AMN1: variants seen among roughly 807,000 people sequenced by gnomAD.
The protein encoded by AMN1 is antagonist of mitotic exit network 1 homolog.
A neutral mutation model predicts 33.0 loss-of-function variants in AMN1; 20 were observed. The ratio of observed to expected loss-of-function variants is 0.61; its 90% CI spans 0.43 to 0.88. AMN1 has a LOEUF of 0.88. Among genes scored for constraint, AMN1 ranks in the 40% least tolerant of loss-of-function variants. AMN1 has a pLI of 0.00. For missense variants in AMN1, 246 were observed against 307.4 expected (o/e 0.80, Z 1.49); for synonymous variants, 114 against 111.9 (o/e 1.02, Z -0.12).
At chr12:31,689,441 T>C (rs552876299) in intron 5 of AMN1, among the ~76,000 whole-genome samples, 122 of 152,178 alleles carry the variant, frequency 8.0e-4, no homozygotes, top group Non-Finnish European at 1.5e-3. Flanking sequence ...ATATGCCCTT[T>C]GCAGTATTAC....
chr12:31,719,241 C>T (rs1471622124), intron 1 of AMN1: 1 of 474,500 alleles, frequency 2.1e-6, no homozygotes, highest in Admixed American at 6.4e-5. Flanking sequence ...GCAGAAATCG[C>T]CCATCTTCTG....
At position 31,671,569 on chromosome 12, in the gene AMN1, G is replaced by A. The variant is rs1246797158; in HGVS notation, c.*735C>T. The A allele has an allele frequency of 6.6e-6, 1 of 152,116 alleles. No homozygotes were observed. Among genetic ancestry groups the A allele is most frequent in the Non-Finnish European group, 1.5e-5 (1 of 68,010 alleles). 9.4% of individuals were successfully genotyped at this position (152,116 alleles called of 1,614,324 possible). A position where few individuals can be genotyped will look rare whatever the true frequency, so the allele number is the denominator to read the frequency against. ...ACAATGTGAAATCAATAAACCTGAG[G>A]ATACAAGTCTCTGTAGTGATATTCT... On this transcript the variant is annotated 3_prime_UTR_variant, in exon 7 of 7. Coordinates refer to ENST00000281471, the MANE Select transcript of AMN1 (RefSeq NM_001113402.2).
At position 31,697,961 on chromosome 12, in the gene AMN1, G is replaced by C. The variant is rs764184949; in HGVS notation, c.317-4C>G. 6.2e-7 allele frequency: 1 copy of C among 1,613,186 alleles called. No homozygotes were observed. The highest frequency in any genetic ancestry group is 8.5e-7 in the Non-Finnish European group (1 of 1,179,292). On this transcript the variant is annotated splice_region_variant and splice_polypyrimidine_tract_variant and intron_variant, in intron 3 of 6. Coordinates refer to ENST00000281471, the MANE Select transcript of AMN1 (RefSeq NM_001113402.2). ...GATGAAGCCACAGCTTTTATTCCTG[G>C]GGGAAAATATAATTATATATCAATG...
rs1938784611 is a variant in AMN1, at chr12:31,697,529, A to G, written c.535-112T>C. On this transcript the variant is annotated intron_variant, in intron 4 of 6. Coordinates refer to ENST00000281471, the MANE Select transcript of AMN1 (RefSeq NM_001113402.2). Reference sequence around the variant, plus strand: ...TCTTAATGCCTCCCATTCATCAAACATGTGTTTTAGCCATATATACCTTTC... The same window carrying G: ...TCTTAATGCCTCCCATTCATCAAACGTGTGTTTTAGCCATATATACCTTTC... The G allele has an allele frequency of 6.0e-6, 7 of 1,171,628 alleles. 1 individual carries two copies. The highest frequency in any genetic ancestry group is 4.6e-5 in the African/African-American group (3 of 65,444). 72.6% of individuals were successfully genotyped at this position (1,171,628 alleles called of 1,614,324 possible).
chr12:31,720,173 A>G (rs1036548345), intron 1 of AMN1, among the ~76,000 whole-genome samples: 6 of 152,354 alleles, frequency 3.9e-5, no homozygotes, highest in South Asian at 2.1e-4. Flanking sequence ...TACATTTACA[A>G]TGTTGTGCAA....
At chr12:31,684,260 A>G (rs1938155445) in intron 6 of AMN1, among the ~76,000 whole-genome samples, 1 of 152,214 alleles carries the variant, frequency 6.6e-6, no homozygotes, top group South Asian at 2.1e-4. Context: ...GCAACAACCC[A>G]TAAGAAATTA....
chr12:31,676,582 A>G (rs1213128994), intron 6 of AMN1, among the ~76,000 whole-genome samples: 1 of 150,598 alleles, frequency 6.6e-6, no homozygotes, highest in African/African-American at 2.5e-5. Context: ...TTGGCCTCCC[A>G]AAGTGCTGCA....
chr12:31,701,818 T>G (rs200816879), intron 3 of AMN1, 45 bp downstream of exon 3: 6 of 1,499,848 alleles, frequency 4.0e-6, no homozygotes, highest in Non-Finnish European at 5.3e-6. Context: ...TTTTACCAGA[T>G]AGTGAATAGT....
chr12:31,728,039 T>G (rs934474715), intron 1 of AMN1, among the ~76,000 whole-genome samples: 1 of 152,110 alleles, frequency 6.6e-6, no homozygotes, highest in African/African-American at 2.4e-5. Context: ...TTTTGTATCT[T>G]TAGTAGAGGC....
At chr12:31,690,853 G>C (rs1938468268) in intron 5 of AMN1, among the ~76,000 whole-genome samples, 1 of 151,984 alleles carries the variant, frequency 6.6e-6, no homozygotes, top group Non-Finnish European at 1.5e-5. Context: ...CAATAAAAAG[G>C]GGCTGAGTGT....
chr12:31,721,337 G>T (rs1939871076), intron 1 of AMN1, among the ~76,000 whole-genome samples: 1 of 152,096 alleles, frequency 6.6e-6, no homozygotes, highest in African/African-American at 2.4e-5. Flanking sequence ...ATCAATACTG[G>T]GGTGGCATCA....
chr12:31,728,870 G>T lies in AMN1; in HGVS notation c.38+101C>A, dbSNP rs974071958. The T allele has an allele frequency of 4.4e-6, 6 of 1,353,888 alleles. No individual in the cohort carries two copies. In the South Asian group the frequency reaches 5.5e-5, roughly 12 times the overall value. The allele number at this position is 1,353,888 out of a possible 1,614,324, so 83.9% of individuals were successfully genotyped here. On this transcript the variant is annotated intron_variant, in intron 1 of 6. Coordinates refer to ENST00000281471, the MANE Select transcript of AMN1 (RefSeq NM_001113402.2). ...GCGGGGCCTCTTCAGAGGTCGGCGG[G>T]GGGGGTGGGAAAGGGGCGGGGAGGA...
intron 5 of AMN1, among the ~76,000 whole-genome samples, chr12:31,689,928 A>G (rs771067999): frequency 5.3e-5 from 8 of 152,070 alleles, no homozygotes; most frequent in Non-Finnish European, 1.2e-4. Context: ...TTTCCCCCTG[A>G]GTCCCCAAAG....
intron 1 of AMN1, among the ~76,000 whole-genome samples, chr12:31,727,829 T>C (rs1300083066): frequency 1.3e-5 from 2 of 152,198 alleles, no homozygotes; most frequent in Non-Finnish European, 2.9e-5. Flanking sequence ...GCCTCCTGGG[T>C]TGAGGCGATT....
chr12:31,725,448 A>G (rs1365483802), intron 1 of AMN1, among the ~76,000 whole-genome samples: 1 of 152,256 alleles, frequency 6.6e-6, no homozygotes, highest in Non-Finnish European at 1.5e-5. Context: ...TCTACGTTTT[A>G]TACTTAAAAG....
intron 6 of AMN1, among the ~76,000 whole-genome samples, chr12:31,685,654 A>T (rs1938225133): frequency 6.6e-6 from 1 of 152,050 alleles, no homozygotes; most frequent in Non-Finnish European, 1.5e-5. Context: ...TACAAAAATT[A>T]GCCAGACCTG....
intron 3 of AMN1, among the ~76,000 whole-genome samples, chr12:31,700,521 A>C (rs1312229799): frequency 2.6e-5 from 4 of 152,196 alleles, no homozygotes; most frequent in Non-Finnish European, 4.4e-5. Flanking sequence ...ACAAACTGAT[A>C]GGAGAGTACC....
intron 5 of AMN1, among the ~76,000 whole-genome samples, chr12:31,695,849 T>C (rs1372893005): frequency 6.6e-6 from 1 of 152,102 alleles, no homozygotes; most frequent in African/African-American, 2.4e-5. Flanking sequence ...CCCAGATATA[T>C]AAAATCACAA....
intron 5 of AMN1, 87 bp from the exon 6 acceptor site, chr12:31,689,205 AAAAG>A: frequency 1.1e-6 from 1 of 907,920 alleles, no homozygotes; most frequent in Non-Finnish European, 1.7e-6. Flanking sequence ...TTCTGATACA[AAAAG>A]AACCAGATAT....
Sources: allele counts gnomAD v4.1 joint callset (sites outside exome capture counted in the v4.1 genomes callset), GRCh38; gene constraint gnomAD v4.1.1; transcripts MANE v1.5; gene names NCBI Gene and HGNC (gene_info 2026-07-23, HGNC 2026-07-21).